Variants in CCDC149 observed in about 807,000 individuals in gnomAD.
CCDC149 encodes coiled-coil domain-containing protein 149.
A neutral mutation model predicts 59.9 loss-of-function variants in CCDC149; 45 were observed. The observed-to-expected ratio is 0.75, with a 90% CI of 0.59 to 0.96. CCDC149 has a LOEUF of 0.96. Among genes scored for constraint, CCDC149 ranks in the 40% least tolerant of loss-of-function variants. CCDC149 has a pLI of 0.00. For synonymous variants in CCDC149, 245 were observed against 260.6 expected, an observed-to-expected ratio of 0.94 and a Z score of 0.58; for missense variants, 584 against 664.7, an observed-to-expected ratio of 0.88 and a Z score of 1.33.
At chr4:24,933,474 T>A (rs532940818) in intron 1 of CCDC149, among the ~76,000 whole-genome samples, 76 of 152,320 alleles carry the variant, frequency 5.0e-4, no homozygotes, top group Non-Finnish European at 1.0e-3. Flanking sequence ...GAAAAAAATG[T>A]GTCTATGAAG....
chr4:24,862,661 A>C (rs929776565), intron 3 of CCDC149, among the ~76,000 whole-genome samples: 1 of 152,246 alleles, frequency 6.6e-6, no homozygotes, highest in African/African-American at 2.4e-5. Context: ...AACTAGGCTG[A>C]TTCAAACCTG....
chr4:24,822,683 G>A, intron 9 of CCDC149, 110 bp from the exon 10 acceptor site: 1 of 641,038 alleles, frequency 1.6e-6, no homozygotes, highest in Non-Finnish European at 2.6e-6. Context: ...TATGATATAT[G>A]CAAAAAATGG....
chr4:24,899,668 A>G lies in CCDC149; in HGVS notation c.63+13149T>C, dbSNP rs377006190. Among the ~76,000 whole-genome samples, 93 of 152,220 alleles carry G rather than the reference A, an allele frequency of 6.1e-4. No homozygotes were observed. The South Asian group carries it at 0.016, about 27-fold the overall frequency. On this transcript the variant is annotated intron_variant, in intron 1 of 12. Transcript: ENST00000635206. ...ACAGACAGGCTCCTGTGCTCTCCCC[A>G]AGCCCCATCCCTGTCCAGTCCCTCA...
intron 1 of CCDC149, among the ~76,000 whole-genome samples, chr4:24,967,766 G>A (rs1293737861): frequency 6.6e-6 from 1 of 151,794 alleles, no homozygotes; most frequent in African/African-American, 2.4e-5. Context: ...AGAAGTGGCG[G>A]CGCCCCTCTT....
At chr4:24,857,946 C>T (rs541379952) in intron 3 of CCDC149, among the ~76,000 whole-genome samples, 16 of 152,278 alleles carry the variant, frequency 1.1e-4, no homozygotes, top group African/African-American at 3.9e-4. Flanking sequence ...ACCTCCTCAA[C>T]TCCAAAACAA....
At chr4:24,933,478 T>C (rs1722653017) in intron 1 of CCDC149, among the ~76,000 whole-genome samples, 1 of 152,204 alleles carries the variant, frequency 6.6e-6, no homozygotes, top group African/African-American at 2.4e-5. Context: ...AAAATGTGTC[T>C]ATGAAGATGA....
chr4:24,887,646 C>T (rs570704523), intron 1 of CCDC149, among the ~76,000 whole-genome samples: 1 of 152,170 alleles, frequency 6.6e-6, no homozygotes, highest in East Asian at 1.9e-4. Flanking sequence ...ACCTCCCTTC[C>T]CCGCCTCCAA....
intron 3 of CCDC149, among the ~76,000 whole-genome samples, chr4:24,867,099 T>A (rs1718749535): frequency 6.6e-6 from 1 of 152,158 alleles, no homozygotes; most frequent in Non-Finnish European, 1.5e-5. Flanking sequence ...AATCTAAGCC[T>A]CCTCCATTAA....
In CCDC149 at chr4:24,925,346, A is replaced by T. The variant is rs115350244; in HGVS notation, c.-64-30228T>A. ...AGTTATCCTTCATTTTCCATAAGAA[A>T]TACTTCAGTATGCAATTGAATAGCC... On this transcript the variant is annotated intron_variant, in intron 1 of 12. Coordinates refer to the CCDC149 transcript ENST00000389609. Among the ~76,000 whole-genome samples, 446 of 152,316 alleles carry T rather than the reference A, an allele frequency of 2.9e-3. 7 individuals are homozygous for T. The highest frequency in any genetic ancestry group is 0.01 in the African/African-American group (423 of 41,574).
At chr4:24,932,822 T>C (rs1372474836) in intron 1 of CCDC149, among the ~76,000 whole-genome samples, 1 of 152,154 alleles carries the variant, frequency 6.6e-6, no homozygotes, top group African/African-American at 2.4e-5. Flanking sequence ...CAATCTCACA[T>C]GTCCACAATC....
intron 12 of CCDC149, among the ~76,000 whole-genome samples, chr4:24,814,382 A>G (rs1414017983): frequency 1.3e-5 from 2 of 152,294 alleles, no homozygotes; most frequent in Admixed American, 6.5e-5. Flanking sequence ...GAAAAAAACA[A>G]CTATTCAGAT....
chr4:24,941,286 C>T (rs1722946938), intron 1 of CCDC149, among the ~76,000 whole-genome samples: 1 of 152,184 alleles, frequency 6.6e-6, no homozygotes, highest in South Asian at 2.1e-4. Flanking sequence ...CAACCTGCTC[C>T]TGAATGACTA....
chr4:24,848,259 A>C (rs1717433343), intron 4 of CCDC149, among the ~76,000 whole-genome samples: 2 of 152,072 alleles, frequency 1.3e-5, no homozygotes, highest in African/African-American at 2.4e-5. Context: ...GCTTGTGTTT[A>C]AGGAACCCTT....
intron 1 of CCDC149, among the ~76,000 whole-genome samples, chr4:24,898,770 C>A (rs569099823): frequency 7.9e-5 from 12 of 152,200 alleles, no homozygotes; most frequent in African/African-American, 2.6e-4. Context: ...TCTTGGGGCC[C>A]AAGAGAAGTG....
rs377278394 is a variant in CCDC149 at position 24,964,192 on chromosome 4, T to TAAAAA, written c.-65+15872_-65+15876dup. 2.8e-3 allele frequency among the ~76,000 whole-genome samples: 339 copies of TAAAAA among 119,138 alleles called. 3 individuals carry two copies. The highest frequency in any genetic ancestry group is 0.01 in the African/African-American group (300 of 29,728). 78.2% of individuals were successfully genotyped at this position (119,138 alleles called of 152,430 possible). A position where few individuals can be genotyped will look rare whatever the true frequency, so the allele number is the denominator to read the frequency against. On this transcript the variant is annotated intron_variant, in intron 1 of 12. Coordinates refer to the CCDC149 transcript ENST00000389609. ...CTGGGCAACAGAGTGAGACCCTATC[T>TAAAAA]AAAAAAAAAAAAAAAAAAAGAGCCA...
At chr4:24,921,080 C>A (rs193095706) in intron 1 of CCDC149, among the ~76,000 whole-genome samples, 1 of 152,158 alleles carries the variant, frequency 6.6e-6, no homozygotes, top group Non-Finnish European at 1.5e-5. Flanking sequence ...GCAGGGATTG[C>A]GCCTACAGTG....
chr4:24,838,921 C>G (rs1716730321), intron 4 of CCDC149, among the ~76,000 whole-genome samples: 1 of 151,324 alleles, frequency 6.6e-6, no homozygotes, highest in South Asian at 2.1e-4. Context: ...CACCAGATAA[C>G]AAGTCTATGA....
rs1560253906 is a variant in CCDC149 at position 24,912,888 on chromosome 4, C to T, written c.-9G>A. ...ATGGCCTCCTCCTCCATGCGCTGGC[C>T]GGCCTCCTGGACCCCCGCCGCCTCC... On this transcript the variant is annotated 5_prime_UTR_variant, in exon 1 of 13. Coordinates refer to ENST00000635206, the MANE Select transcript of CCDC149 (RefSeq NM_001330643.2). 2 of 1,346,000 alleles carry T rather than the reference C, an allele frequency of 1.5e-6. No individual in the cohort carries two copies. The highest frequency in any genetic ancestry group is 1.5e-5 in the South Asian group (1 of 66,612). The allele number at this position is 1,346,000 out of a possible 1,614,324, so 83.4% of individuals were successfully genotyped here.
chr4:24,875,037 G>T (rs941703704), intron 2 of CCDC149, among the ~76,000 whole-genome samples: 3 of 152,156 alleles, frequency 2.0e-5, no homozygotes, highest in African/African-American at 7.2e-5. Flanking sequence ...GGCTGGGCAC[G>T]GTGGCTCATG....
Sources: allele counts gnomAD v4.1 joint callset (sites outside exome capture counted in the v4.1 genomes callset), GRCh38; gene constraint gnomAD v4.1.1; transcripts MANE v1.5; gene names NCBI Gene and HGNC (gene_info 2026-07-23, HGNC 2026-07-21).